Variants in GHR observed in about 807,000 individuals in gnomAD.
The protein encoded by GHR is growth hormone receptor.
Under a neutral mutation model 67.1 loss-of-function variants are expected in GHR, and 35 were observed. The ratio of observed to expected loss-of-function variants is 0.52; its 90% confidence interval spans 0.40 to 0.69. The LOEUF (loss-of-function observed/expected upper bound fraction) is 0.69, where lower values mean the gene tolerates loss of function less well. GHR is among the 30% of genes least tolerant of loss of function. The pLI is 0.00. For synonymous variants in GHR, 272 were observed against 269.1 expected, an observed-to-expected ratio of 1.01 and a Z score of -0.10; for missense variants, 792 against 764.6, an observed-to-expected ratio of 1.04 and a Z score of -0.42.
At chr5:42,652,162 A>G (rs893563788) in intron 3 of GHR, among the ~76,000 whole-genome samples, 4 of 152,172 alleles carry the variant, frequency 2.6e-5, no homozygotes, top group East Asian at 1.9e-4. Flanking sequence ...AAAGTACTAG[A>G]TTTTGTATTA....
chr5:42,483,955 C>T (rs1227919978), intron 1 of GHR, among the ~76,000 whole-genome samples: 1 of 151,998 alleles, frequency 6.6e-6, no homozygotes, highest in South Asian at 2.1e-4. Flanking sequence ...TAGAACCAGC[C>T]TACTGTTGTC....
chr5:42,587,816 C>T (rs756363858), intron 2 of GHR, among the ~76,000 whole-genome samples: 24 of 152,070 alleles, frequency 1.6e-4, no homozygotes, highest in Non-Finnish European at 2.5e-4. Context: ...CGGAGCTGAA[C>T]CGTGTTCCCT....
intron 1 of GHR, among the ~76,000 whole-genome samples, chr5:42,469,213 A>C (rs1483012086): frequency 6.6e-6 from 1 of 152,236 alleles, no homozygotes; most frequent in Non-Finnish European, 1.5e-5. Flanking sequence ...GTTCACTGGA[A>C]TAGGTGGGTC....
intron 1 of GHR, among the ~76,000 whole-genome samples, chr5:42,479,421 C>T (rs1402398510): frequency 8.5e-5 from 13 of 152,128 alleles, no homozygotes; most frequent in Admixed American, 5.2e-4. Flanking sequence ...GGGAGGATTC[C>T]CTCTTTTTCT....
chr5:42,462,947 CAG>C (rs922355759), intron 1 of GHR, among the ~76,000 whole-genome samples: 9 of 151,478 alleles, frequency 5.9e-5, no homozygotes, highest in Non-Finnish European at 7.4e-5. Context: ...TAAAAAAAAA[CAG>C]AAAATAATTA....
chr5:42,614,419 G>A (rs1171431899), intron 2 of GHR, among the ~76,000 whole-genome samples: 1 of 151,730 alleles, frequency 6.6e-6, no homozygotes, highest in Non-Finnish European at 1.5e-5. Flanking sequence ...AATCACCTGG[G>A]GACCTTGCAG....
In GHR at chr5:42,634,521, G is replaced by GCACACACA. The variant is rs10684580; in HGVS notation, c.136+5434_136+5441dup. 4.5e-3 allele frequency among the ~76,000 whole-genome samples: 670 copies of GCACACACA among 148,924 alleles called. 6 individuals carry two copies. Among genetic ancestry groups the GCACACACA allele is most frequent in the African/African-American group, 0.015 (603 of 40,598 alleles). On this transcript the variant is annotated intron_variant, in intron 3 of 9. Transcript: ENST00000230882. ...ATTTCACGGATGGTTATTGAATTTT[G>GCACACACA]CACACACACACACACACACACACTG...
At chr5:42,488,050 C>T (rs919569280) in intron 1 of GHR, among the ~76,000 whole-genome samples, 1 of 152,228 alleles carries the variant, frequency 6.6e-6, no homozygotes, top group Non-Finnish European at 1.5e-5. Context: ...GCTGCATACA[C>T]ACAGTCTACT....
At position 42,698,705 on chromosome 5, in the gene GHR, A is replaced by G. The variant is rs372662517; in HGVS notation, c.440-1119A>G. 2.0e-5 allele frequency among the ~76,000 whole-genome samples: 3 copies of G among 152,246 alleles called. No homozygotes were observed. The East Asian group carries it at 5.8e-4, about 29-fold the overall frequency. On this transcript the variant is annotated intron_variant, in intron 5 of 9. Transcript: ENST00000230882. Reference sequence around the variant, plus strand: ...AGCTCCTCACTGTGTATATCTGTAAAGTTATCTCCAGTCAACGCTAGGGAT... The same window carrying G: ...AGCTCCTCACTGTGTATATCTGTAAGGTTATCTCCAGTCAACGCTAGGGAT...
chr5:42,718,366 A>G (rs1758830014), intron 9 of GHR, 87 bp from the exon 10 acceptor site: 5 of 1,028,762 alleles, frequency 4.9e-6, no homozygotes, highest in Non-Finnish European at 7.5e-6. Context: ...TATTGTAACC[A>G]TAATTAATCT....
At chr5:42,464,426 A>C (rs146566258) in intron 1 of GHR, among the ~76,000 whole-genome samples, 52 of 150,836 alleles carry the variant, frequency 3.4e-4, no homozygotes, top group African/African-American at 1.1e-3. Flanking sequence ...TCAGAAACAC[A>C]TACATGCAAT....
At chr5:42,666,075 T>G (rs1755959659) in intron 3 of GHR, among the ~76,000 whole-genome samples, 1 of 152,142 alleles carries the variant, frequency 6.6e-6, no homozygotes, top group African/African-American at 2.4e-5. Flanking sequence ...CATATCACCA[T>G]GACATACAAT....
intron 1 of GHR, among the ~76,000 whole-genome samples, chr5:42,478,574 T>C (rs1449714684): frequency 1.3e-5 from 2 of 152,228 alleles, no homozygotes; most frequent in Non-Finnish European, 2.9e-5. Flanking sequence ...CAGTGGTTTG[T>C]AGTTCTCCTT....
At chr5:42,681,504 TTGG>T (rs1188322162) in intron 3 of GHR, among the ~76,000 whole-genome samples, 1 of 152,208 alleles carries the variant, frequency 6.6e-6, no homozygotes, top group African/African-American at 2.4e-5. Flanking sequence ...TTTTACACTG[TTGG>T]TGGGAGTGTA....
At chr5:42,472,302 G>A (rs1221220774) in intron 1 of GHR, among the ~76,000 whole-genome samples, 1 of 152,198 alleles carries the variant, frequency 6.6e-6, no homozygotes, top group African/African-American at 2.4e-5. Flanking sequence ...TTGGTCATGA[G>A]CTTAATTTGA....
chr5:42,456,318 T>A (rs959434365), intron 1 of GHR, among the ~76,000 whole-genome samples: 1 of 152,060 alleles, frequency 6.6e-6, no homozygotes, highest in African/African-American at 2.4e-5. Flanking sequence ...TCAAAATAAA[T>A]AAATAAATAA....
At chr5:42,686,445 C>T (rs1482795560) in intron 3 of GHR, among the ~76,000 whole-genome samples, 1 of 152,136 alleles carries the variant, frequency 6.6e-6, no homozygotes, top group Non-Finnish European at 1.5e-5. Flanking sequence ...TACTGGCAAA[C>T]CTAATCCAGC....
intron 3 of GHR, among the ~76,000 whole-genome samples, chr5:42,675,474 GA>G (rs1238277730): frequency 6.6e-6 from 1 of 152,118 alleles, no homozygotes; most frequent in Non-Finnish European, 1.5e-5. Flanking sequence ...TAAGACAGAG[GA>G]GTGTATGATC....
chr5:42,607,197 C>G (rs1752670416), intron 2 of GHR, among the ~76,000 whole-genome samples: 1 of 152,194 alleles, frequency 6.6e-6, no homozygotes, highest in Non-Finnish European at 1.5e-5. Context: ...CCATGTGGAA[C>G]TGTGAGTCAA....
Sources: gnomAD v4.1 joint callset for allele counts (sites outside exome capture counted in the v4.1 genomes callset) on GRCh38, gnomAD v4.1.1 for gene constraint, MANE v1.5 for transcripts, NCBI Gene and HGNC (gene_info 2026-07-23, HGNC 2026-07-21) for gene names.